Variants in LILRA2 observed in about 807,000 individuals in gnomAD.
LILRA2 encodes leukocyte immunoglobulin-like receptor subfamily A member 2.
LILRA2 carries 45 observed loss-of-function variants against 47.9 expected under a neutral mutation model. The ratio of observed to expected loss-of-function variants is 0.94; its 90% confidence interval spans 0.74 to 1.20. LILRA2 has a LOEUF of 1.20. Among genes scored for constraint, LILRA2 ranks in the 50% most tolerant of loss-of-function variants. The pLI, the probability that LILRA2 is intolerant of heterozygous loss-of-function variation, is 0.00. For synonymous variants in LILRA2, 279 were observed against 249.2 expected, an observed-to-expected ratio of 1.12 and a Z score of -1.13; for missense variants, 651 against 598.2, an observed-to-expected ratio of 1.09 and a Z score of -0.92.
Position 54,588,173 on chromosome 19 carries a change from T to C in LILRA2, c.*827T>C, listed in dbSNP as rs2062864635. On this transcript the variant is annotated 3_prime_UTR_variant, in exon 8 of 8. Transcript: ENST00000391738. ...TCACCCATATACCTACAGTCCTTTCTATTTCAGAGGCAATGATCACTTCTA... is the reference window on the plus strand; with the variant it reads ...TCACCCATATACCTACAGTCCTTTCCATTTCAGAGGCAATGATCACTTCTA... 6.6e-6 allele frequency: 1 copy of C among 152,216 alleles called. No homozygotes were observed. Among genetic ancestry groups the C allele is most frequent in the African/African-American group, 2.4e-5 (1 of 41,440 alleles). The allele number at this position is 152,216 out of a possible 1,614,324, so 9.4% of individuals were successfully genotyped here. A position where few individuals can be genotyped will look rare whatever the true frequency, so the allele number is the denominator to read the frequency against.
At chr19:54,574,613 G>C in intron 3 of LILRA2, 31 bp downstream of exon 3, 1 of 1,610,738 alleles carries the variant, frequency 6.2e-7, no homozygotes, top group Non-Finnish European at 8.5e-7. Context: ...CCCAGCCCCA[G>C]GCTCTGCCCT....
chr19:54,573,991 C>G (rs1160477937), intron 1 of LILRA2, 79 bp downstream of exon 1: 1 of 1,613,272 alleles, frequency 6.2e-7, no homozygotes, highest in African/African-American at 1.3e-5. Flanking sequence ...CCTAAGGAGA[C>G]CCCAGGGGCT....
Position 54,575,930 on chromosome 19 carries a change from G to A in LILRA2, c.1076G>A (p.Gly359Glu), listed in dbSNP as rs545749234. Residue 359 changes from glycine to glutamate, a missense_variant, in exon 6 of 8, where the codon GGG (glycine) becomes GAG (glutamate). By Grantham distance (98) the Gly-to-Glu change is moderately conservative. Transcript: ENST00000391738. ...QFHTFLLTKE[G>E]AGHPPLHLRS... is the part of the protein sequence containing the mutation. ...CACACTTTCCTTCTGACCAAGGAGG[G>A]GGCAGGCCATCCCCCACTGCATCTG... The A allele has an allele frequency of 3.3e-5, 54 of 1,613,936 alleles. No homozygotes were observed. The highest frequency in any genetic ancestry group is 4.2e-5 in the Non-Finnish European group (49 of 1,179,950).
chr19:54,587,683 A>T lies in LILRA2; in HGVS notation c.*337A>T, dbSNP rs1435809890. ...TGTGCTCTGGTCCACGGCATGTGAC[A>T]CAGTCTTCCTTATTCCTCATTGTCA... On this transcript the variant is annotated 3_prime_UTR_variant, in exon 8 of 8. Transcript: ENST00000391738. 1.2e-5 allele frequency: 4 copies of T among 337,862 alleles called. No homozygotes were observed. The East Asian group carries it at 1.6e-4, about 14-fold the overall frequency. 20.9% of individuals were successfully genotyped at this position (337,862 alleles called of 1,614,324 possible). A position where few individuals can be genotyped will look rare whatever the true frequency, so the allele number is the denominator to read the frequency against.
chr19:54,572,997 C>G (rs78516634), upstream of LILRA2: 3,972 of 165,606 alleles, frequency 0.024, 82 homozygotes, highest in Non-Finnish European at 0.037. Flanking sequence ...TGCATTTCCC[C>G]TTTTGAGACA....
At chr19:54,577,310 G>A (rs1200490575) in intron 6 of LILRA2, among the ~76,000 whole-genome samples, 1 of 152,158 alleles carries the variant, frequency 6.6e-6, no homozygotes, top group Non-Finnish European at 1.5e-5. Context: ...GATGAGTAGA[G>A]GAAGGAGAAC....
intron 6 of LILRA2, among the ~76,000 whole-genome samples, chr19:54,582,027 G>C (rs140852442): frequency 1.3e-5 from 2 of 152,144 alleles, no homozygotes; most frequent in African/African-American, 4.8e-5. Context: ...CATCTATTAA[G>C]ATAATCATGT....
intron 6 of LILRA2, chr19:54,577,837 T>C: frequency 1.8e-6 from 1 of 563,636 alleles, no homozygotes; most frequent in African/African-American, 2.0e-5. Flanking sequence ...TTTGAATATA[T>C]GAATTTATAA....
At position 54,575,908 on chromosome 19, in the gene LILRA2, A is replaced by C; in HGVS notation, c.1054A>C (p.Thr352Pro). The C allele has an allele frequency of 6.2e-7, 1 of 1,613,772 alleles. No homozygotes were observed. The highest frequency in any genetic ancestry group is 1.7e-5 in the Admixed American group (1 of 59,996). ...GTGTCAGTCACGGGGGCAGTTCCAC[A>C]CTTTCCTTCTGACCAAGGAGGGGGC... Reference protein sequence around the residue: ...LLCQSRGQFHTFLLTKEGAGH... With the variant: ...LLCQSRGQFHPFLLTKEGAGH... The change falls in exon 6 of 8, where the codon ACT becomes CCT. Residue 352 changes from threonine (T) to proline (P), a missense_variant. By Grantham distance (38) the Thr-to-Pro change is conservative. Coordinates refer to ENST00000391738, the MANE Select transcript of LILRA2 (RefSeq NM_001130917.3).
In LILRA2 at chr19:54,578,585, G is replaced by A. The variant is rs145230943; in HGVS notation, c.1255+2476G>A. Among the ~76,000 whole-genome samples the A allele has an allele frequency of 6.3e-3, 952 of 152,314 alleles. 8 individuals carry two copies. The highest frequency in any genetic ancestry group is 0.022 in the African/African-American group (905 of 41,552). ...GTGATTAGTGCCACAGTAAACATAT[G>A]TGTGCATGTGTCTTTGTCGTAGAAT... On this transcript the variant is annotated intron_variant, in intron 6 of 7. Coordinates refer to ENST00000391738, the MANE Select transcript of LILRA2 (RefSeq NM_001130917.3).
In LILRA2 at chr19:54,577,277, T is replaced by C. The variant is rs1003375456; in HGVS notation, c.1255+1168T>C. Among the ~76,000 whole-genome samples, 457 of 152,030 alleles carry C rather than the reference T, an allele frequency of 3.0e-3. No individual in the cohort carries two copies. In the South Asian group the frequency reaches 0.061, roughly 20 times the overall value. On this transcript the variant is annotated intron_variant, in intron 6 of 7. Coordinates refer to ENST00000391738, the MANE Select transcript of LILRA2 (RefSeq NM_001130917.3). ...ACAGCTCTGCAGGACCCCCAGCCCC[T>C]GGCCTTGTCCTGCAGGATGTGTGAT...
Position 54,574,375 on chromosome 19 carries a change from T to C in LILRA2, c.145T>C (p.Cys49Arg). The C allele has an allele frequency of 6.2e-7, 1 of 1,614,130 alleles. No individual in the cohort carries two copies. Among genetic ancestry groups the C allele is most frequent in the Non-Finnish European group, 8.5e-7 (1 of 1,179,998 alleles). Residue 49 changes from cysteine to arginine, a missense_variant, in exon 3 of 8, where the codon TGT (cysteine) becomes CGT (arginine). By Grantham distance (180) the Cys-to-Arg change is radical (BLOSUM62 -3). Coordinates refer to ENST00000391738, the MANE Select transcript of LILRA2 (RefSeq NM_001130917.3). ...IIQGSPVTLR[C>R]QGSLQAEEYH... ...CCAGGGAAGTCCTGTGACCCTCAGG[T>C]GTCAGGGGAGCCTTCAGGCTGAGGA...
intron 6 of LILRA2, among the ~76,000 whole-genome samples, chr19:54,585,866 C>T (rs1280739619): frequency 1.3e-5 from 2 of 152,210 alleles, no homozygotes; most frequent in Non-Finnish European, 2.9e-5. Flanking sequence ...AATCCAGCTG[C>T]AGACCGGAGC....
Position 54,587,473 on chromosome 19 carries a change from G to T in LILRA2, c.*127G>T. 1 of 1,391,430 alleles carries T rather than the reference G, an allele frequency of 7.2e-7. No individual in the cohort carries two copies. 86.2% of individuals were successfully genotyped at this position (1,391,430 alleles called of 1,614,324 possible). A position where few individuals can be genotyped will look rare whatever the true frequency, so the allele number is the denominator to read the frequency against. On this transcript the variant is annotated 3_prime_UTR_variant, in exon 8 of 8. Transcript: ENST00000391738. ...GGACTGTATGCTGGTCATTTCTAGA[G>T]ACAGCAATCAATATTTGAGTGTAAG...
chr19:54,577,003 T>C lies in LILRA2; in HGVS notation c.1255+894T>C, dbSNP rs1278501728. Among the ~76,000 whole-genome samples the C allele has an allele frequency of 2.8e-3, 429 of 151,512 alleles. No homozygotes were observed. The South Asian group carries it at 0.059, about 21-fold the overall frequency. On this transcript the variant is annotated intron_variant, in intron 6 of 7. Transcript: ENST00000391738. Reference sequence around the variant, plus strand: ...GTGGCTCATCCTAGACCTGCTCCCGTCTACAGCCCTCTCTGGCCCTCTCCT... The same window carrying C: ...GTGGCTCATCCTAGACCTGCTCCCGCCTACAGCCCTCTCTGGCCCTCTCCT...
chr19:54,573,251 T>C, upstream of LILRA2: 1 of 451,340 alleles, frequency 2.2e-6, no homozygotes, highest in African/African-American at 2.0e-5. Context: ...CCTGAAGTGC[T>C]GGGATTCCAG....
intron 5 of LILRA2, 72 bp downstream of exon 5, chr19:54,575,624 A>T (rs2062387470): frequency 3.0e-6 from 4 of 1,353,078 alleles, no homozygotes; most frequent in Non-Finnish European, 3.9e-6. Flanking sequence ...CCAGGTGGTG[A>T]TGGCCGGAAT....
At position 54,574,511 on chromosome 19, in the gene LILRA2, G is replaced by C. The variant is rs1333563758; in HGVS notation, c.281G>C (p.Arg94Pro). 1 of 1,613,944 alleles carries C rather than the reference G, an allele frequency of 6.2e-7. No homozygotes were observed. Among genetic ancestry groups the C allele is most frequent in the Admixed American group, 1.7e-5 (1 of 60,030 alleles). The change falls in exon 3 of 8, where the codon CGG becomes CCG. Residue 94 changes from arginine (R) to proline (P), a missense_variant. Coordinates refer to ENST00000391738, the MANE Select transcript of LILRA2 (RefSeq NM_001130917.3). ...IPSITWEHAG[R>P]YHCQYYSHNH... ...TCCATCACCTGGGAACACGCAGGGC[G>C]GTATCACTGTCAGTACTACAGCCAC...
At position 54,589,082 on chromosome 19, in the gene LILRA2, T is replaced by G. The variant is rs540353905; in HGVS notation, c.*1736T>G. The G allele has an allele frequency of 2.5e-3, 374 of 151,940 alleles. No homozygotes were observed. In the South Asian group the frequency reaches 0.051, roughly 21 times the overall value. 9.4% of individuals were successfully genotyped at this position (151,940 alleles called of 1,614,324 possible). A position where few individuals can be genotyped will look rare whatever the true frequency, so the allele number is the denominator to read the frequency against. ...CTTCTCAATGCTTACACCTACCTGG[T>G]TGCCTCTGTCTTCACACCCATTCTT... On this transcript the variant is annotated 3_prime_UTR_variant, in exon 8 of 8. Transcript: ENST00000391738.
Sources: gnomAD v4.1 joint callset for allele counts (sites outside exome capture counted in the v4.1 genomes callset) on GRCh38, gnomAD v4.1.1 for gene constraint, MANE v1.5 for transcripts, NCBI Gene and HGNC (gene_info 2026-07-23, HGNC 2026-07-21) for gene names.